The following RABGEF1 variants were observed in gnomAD, a reference collection of about 807,000 sequenced individuals.
RABGEF1 encodes the protein RAB guanine nucleotide exchange factor 1, also known as rab5 GDP/GTP exchange factor.
Under a neutral mutation model 57.3 loss-of-function variants are expected in RABGEF1, and 26 were observed. That is an observed-to-expected ratio of 0.45 (90% CI 0.33 to 0.63). RABGEF1 has a LOEUF of 0.63. Ranked by LOEUF, RABGEF1 falls within the 20% of genes least tolerant of loss-of-function variation. RABGEF1 has a pLI of 0.02. For missense variants in RABGEF1, 464 were observed against 607.6 expected (o/e 0.76, Z 2.48); for synonymous variants, 185 against 210.7 (o/e 0.88, Z 1.06).
chr7:66,743,575 C>T (rs1029120299), intron 1 of RABGEF1, among the ~76,000 whole-genome samples: 1 of 151,904 alleles, frequency 6.6e-6, no homozygotes, highest in African/African-American at 2.4e-5. Context: ...GATCTCGGCT[C>T]ACTGCAAGCT....
At chr7:66,765,548 C>G (rs967271974) in intron 1 of RABGEF1, among the ~76,000 whole-genome samples, 1 of 152,092 alleles carries the variant, frequency 6.6e-6, no homozygotes, top group Middle Eastern at 3.2e-3. Context: ...TGCACGTAAA[C>G]CTTAGCCAGG....
Position 66,795,788 on chromosome 7 carries a change from T to C in RABGEF1, c.595+196T>C, listed in dbSNP as rs549206762. Among the ~76,000 whole-genome samples, 5 of 152,316 alleles carry C rather than the reference T, an allele frequency of 3.3e-5. No individual in the cohort carries two copies. In the South Asian group the frequency reaches 8.3e-4, roughly 25 times the overall value. On this transcript the variant is annotated intron_variant, in intron 5 of 8. Transcript: ENST00000284957. ...CCATGCGTATCTTTCCAGGAGCAAT[T>C]GGATAATTTATTGAGTAACATTTAA...
At chr7:66,662,799 G>A in the RABGEF1 span, among the ~76,000 whole-genome samples, 2 of 151,602 alleles carry the variant, frequency 1.3e-5, no homozygotes, top group African/African-American at 2.4e-5. Context: ...GTGTGTGCAG[G>A]TGTATGTGTG....
chr7:66,746,204 CATT>C (rs1800175291), intron 1 of RABGEF1, among the ~76,000 whole-genome samples: 1 of 152,080 alleles, frequency 6.6e-6, no homozygotes, highest in African/African-American at 2.4e-5. Flanking sequence ...TTTAGGAAAA[CATT>C]ATACTTTTAT....
chr7:66,717,842 G>A (rs978083599), intron 2 of RABGEF1, among the ~76,000 whole-genome samples: 6 of 152,116 alleles, frequency 3.9e-5, no homozygotes, highest in African/African-American at 1.2e-4. Context: ...TTACAGGCTT[G>A]AGCCACCAGA....
At chr7:66,782,438 A>G (rs1401392279) in intron 3 of RABGEF1, among the ~76,000 whole-genome samples, 1 of 150,952 alleles carries the variant, frequency 6.6e-6, no homozygotes, top group Non-Finnish European at 1.5e-5. Flanking sequence ...TATTTTACAT[A>G]AAACATAGCA....
the RABGEF1 span, among the ~76,000 whole-genome samples, chr7:66,658,604 T>G: frequency 4.0e-5 from 6 of 148,262 alleles, no homozygotes; most frequent in Middle Eastern, 7.0e-3. Context: ...AAATTACCAA[T>G]AAAATCTTCC....
intron 2 of RABGEF1, among the ~76,000 whole-genome samples, chr7:66,714,546 A>G (rs112302813): frequency 0.011 from 1,682 of 151,952 alleles, 23 homozygotes; most frequent in African/African-American, 0.038. Flanking sequence ...TGATTTCTCT[A>G]TTGTTTTCAG....
At position 66,685,045 on chromosome 7, in the gene RABGEF1, A is replaced by G. The variant is rs940162633; in HGVS notation, c.-873+2787A>G. 1.8e-4 allele frequency among the ~76,000 whole-genome samples: 28 copies of G among 152,004 alleles called. No individual in the cohort carries two copies. The East Asian group carries it at 5.4e-3, about 29-fold the overall frequency. ...CTCCCAAAGTGTTGGGATTACAAAC[A>G]TGAGCCACTGCACCCGGCCTTAAAA... On this transcript the variant is annotated intron_variant and NMD_transcript_variant, in intron 1 of 9. Transcript: ENST00000607882.
chr7:66,794,747 G>A (rs1256882237), intron 4 of RABGEF1, among the ~76,000 whole-genome samples: 2 of 152,050 alleles, frequency 1.3e-5, no homozygotes, highest in African/African-American at 2.4e-5. Flanking sequence ...ACAGAGAACC[G>A]AAAAGAAGAT....
Position 66,775,353 on chromosome 7 carries a change from G to T in RABGEF1, c.306G>T (p.Lys102Asn). The T allele has an allele frequency of 1.2e-6, 2 of 1,613,896 alleles. No homozygotes were observed. Among genetic ancestry groups the T allele is most frequent in the Non-Finnish European group, 1.7e-6 (2 of 1,179,828 alleles). Residue 102 changes from lysine to asparagine, a missense_variant, in exon 3 of 9, where the codon AAG becomes AAT. Physicochemically the swap from Lys to Asn is moderately conservative, Grantham distance 94. Coordinates refer to ENST00000284957, the MANE Select transcript of RABGEF1 (RefSeq NM_014504.3). ...AGACCCGCAAGGTTACCACAGTGAA[G>T]AAATTCTTCAGTGCATCTTCCAGGG... ...NEKTRKVTTV[K>N]KFFSASSRVG... is the part of the protein sequence containing the mutation.
chr7:66,785,711 A>G (rs1379090468), intron 4 of RABGEF1, among the ~76,000 whole-genome samples: 1 of 152,114 alleles, frequency 6.6e-6, no homozygotes, highest in East Asian at 1.9e-4. Flanking sequence ...TGTCTCTACT[A>G]AAAATACAAA....
At chr7:66,786,538 G>A (rs1811230222) in intron 4 of RABGEF1, among the ~76,000 whole-genome samples, 1 of 151,994 alleles carries the variant, frequency 6.6e-6, no homozygotes, top group Non-Finnish European at 1.5e-5. Flanking sequence ...TGAGTAGCTG[G>A]GACTAGTGGC....
At chr7:66,760,099 C>G (rs748397570) in intron 1 of RABGEF1, among the ~76,000 whole-genome samples, 12 of 152,180 alleles carry the variant, frequency 7.9e-5, no homozygotes, top group Non-Finnish European at 4.4e-5. Context: ...CCCAGCTGAC[C>G]AAGCAGGCCC....
chr7:66,768,523 C>T (rs1017602303), intron 1 of RABGEF1, among the ~76,000 whole-genome samples: 10 of 152,186 alleles, frequency 6.6e-5, no homozygotes, highest in Admixed American at 2.0e-4. Flanking sequence ...CAGTTATTCC[C>T]AGAGCAAAAT....
At chr7:66,771,062 A>G (rs1413761042) in intron 1 of RABGEF1, among the ~76,000 whole-genome samples, 1 of 152,122 alleles carries the variant, frequency 6.6e-6, no homozygotes, top group African/African-American at 2.4e-5. Context: ...GTTTGCAGAT[A>G]AGTTCTCCCA....
At chr7:66,807,122 G>A (rs1230818845) in intron 8 of RABGEF1, among the ~76,000 whole-genome samples, 6 of 152,172 alleles carry the variant, frequency 3.9e-5, no homozygotes, top group African/African-American at 1.2e-4. Flanking sequence ...GCGTAGCCAC[G>A]GTCACTGACA....
chr7:66,783,726 T>C lies in RABGEF1; in HGVS notation c.398T>C (p.Ile133Thr). 6.2e-7 allele frequency: 1 copy of C among 1,612,828 alleles called. No individual in the cohort carries two copies. Among genetic ancestry groups the C allele is most frequent in the Non-Finnish European group, 8.5e-7 (1 of 1,179,248 alleles). ...CCTTCCATAAACCGGCAAACCAGCA[T>C]TGAAACGGATAGAGTGTCTAAGGAG... is the stretch of plus-strand genomic sequence containing the variant. ...PSPSINRQTS[I>T]ETDRVSKEFI... Residue 133 changes from isoleucine to threonine, a missense_variant, in exon 4 of 9, where the codon ATT becomes ACT. This residue lies in a region of RABGEF1 where 284 missense variants were observed against 389.9 expected (regional missense o/e 0.73). Coordinates refer to ENST00000284957, the MANE Select transcript of RABGEF1 (RefSeq NM_014504.3).
rs552714138 is a variant in RABGEF1, at chr7:66,787,830, A to G, written c.513+3989A>G. On this transcript the variant is annotated intron_variant, in intron 4 of 8. Transcript: ENST00000284957. The stretch of plus-strand genomic sequence containing the variant: ...ACCCAATCAAGTGTTAACCTTTCCC[A>G]TAATAACTAGAAAACCATATTACCT... Among the ~76,000 whole-genome samples the G allele has an allele frequency of 5.9e-5, 9 of 152,366 alleles. No individual in the cohort carries two copies. In the East Asian group the frequency reaches 1.5e-3, roughly 26 times the overall value.
Sources: gnomAD v4.1 joint callset for allele counts (sites outside exome capture counted in the v4.1 genomes callset) on GRCh38, gnomAD v4.1.1 for gene constraint, gnomAD v4.1.1 regional missense constraint, MANE v1.5 for transcripts, NCBI Gene and HGNC (gene_info 2026-07-23, HGNC 2026-07-21) for gene names.